GRIK4: variants seen among roughly 807,000 people sequenced by gnomAD.
GRIK4 encodes glutamate receptor ionotropic, kainate 4.
GRIK4 carries 40 observed loss-of-function variants against 104.9 expected under a neutral mutation model. That is an observed-to-expected ratio of 0.38 (90% CI 0.30 to 0.50). The LOEUF (loss-of-function observed/expected upper bound fraction) is 0.50. Ranked by LOEUF, GRIK4 falls within the 20% of genes least tolerant of loss-of-function variation. The probability of loss-of-function intolerance (pLI) is 0.93; values close to 1 mark genes in which losing one functional copy is unlikely to be tolerated. For synonymous variants in GRIK4, 485 were observed against 524.9 expected (o/e 0.92, Z 1.04); for missense variants, 1,047 against 1,308.1 (o/e 0.80, Z 3.08).
intron 3 of GRIK4, among the ~76,000 whole-genome samples, chr11:120,762,484 T>C (rs187220167): frequency 6.6e-6 from 1 of 152,326 alleles, no homozygotes; most frequent in East Asian, 1.9e-4. Context: ...CTGTGTTGAA[T>C]AGGAGTGGTG....
chr11:120,904,583 G>C (rs1942824610), intron 12 of GRIK4, among the ~76,000 whole-genome samples: 1 of 152,170 alleles, frequency 6.6e-6, no homozygotes, highest in Non-Finnish European at 1.5e-5. Flanking sequence ...GTAATGTGCA[G>C]CCACCACTTC....
At chr11:120,894,598 G>C (rs1942519886) in intron 11 of GRIK4, 1 of 152,306 alleles carries the variant, frequency 6.6e-6, no homozygotes, top group African/African-American at 2.4e-5. Flanking sequence ...GCAAGTGAGA[G>C]AGACAGAAAG....
At chr11:120,857,112 C>T (rs978527403) in intron 8 of GRIK4, among the ~76,000 whole-genome samples, 1 of 152,146 alleles carries the variant, frequency 6.6e-6, no homozygotes, top group African/African-American at 2.4e-5. Flanking sequence ...GTTTCCCAGA[C>T]CCTCTCTTCC....
intron 3 of GRIK4, among the ~76,000 whole-genome samples, chr11:120,758,989 A>T (rs891856764): frequency 6.6e-6 from 1 of 152,210 alleles, no homozygotes; most frequent in Admixed American, 6.5e-5. Context: ...AGGGATAAAC[A>T]CATAATAATA....
intron 3 of GRIK4, among the ~76,000 whole-genome samples, chr11:120,663,192 A>AATAAATG (rs1432538425): frequency 1.3e-5 from 2 of 151,972 alleles, no homozygotes; most frequent in African/African-American, 4.8e-5. Flanking sequence ...CCCTGAGGAG[A>AATAAATG]CCCCACCCCA....
chr11:120,635,515 G>C lies in GRIK4; in HGVS notation c.-158-18170G>C, dbSNP rs551755762. On this transcript the variant is annotated intron_variant, in intron 1 of 20. Transcript: ENST00000527524. ...TGCCTGGTGATAGTTACTATTTTGA[G>C]TTAAAGCGATTCTGCTTTATTAAAA... 2.4e-3 allele frequency among the ~76,000 whole-genome samples: 373 copies of C among 152,326 alleles called. 3 individuals carry two copies. Among genetic ancestry groups the C allele is most frequent in the Non-Finnish European group, 4.3e-3 (295 of 68,024 alleles).
chr11:120,521,342 G>A (rs1305035694), intron 1 of GRIK4, among the ~76,000 whole-genome samples: 1 of 152,108 alleles, frequency 6.6e-6, no homozygotes, highest in African/African-American at 2.4e-5. Context: ...AAAGTGCTGG[G>A]ATTACAGGTG....
chr11:120,626,189 G>C (rs757783550), intron 1 of GRIK4, among the ~76,000 whole-genome samples: 5 of 152,164 alleles, frequency 3.3e-5, no homozygotes, highest in Non-Finnish European at 7.3e-5. Flanking sequence ...TGAGTCCTTA[G>C]AGCTGCTATT....
rs528944662 is a variant in GRIK4, at chr11:120,659,539, C to T, written c.-50-730C>T. On this transcript the variant is annotated intron_variant, in intron 2 of 20. Coordinates refer to ENST00000527524, the MANE Select transcript of GRIK4 (RefSeq NM_014619.5). ...ACTTTTACATGTGAGGACACTGAGC[C>T]GAGACACAGAGGGGACCTTGTGAAG... Among the ~76,000 whole-genome samples the T allele has an allele frequency of 9.2e-5, 14 of 152,242 alleles. No individual in the cohort carries two copies. In the South Asian group the frequency reaches 2.3e-3, roughly 25 times the overall value.
At chr11:120,973,825 T>C (rs1306593236) in intron 19 of GRIK4, among the ~76,000 whole-genome samples, 5 of 152,236 alleles carry the variant, frequency 3.3e-5, no homozygotes, top group African/African-American at 4.8e-5. Flanking sequence ...ATAAATTAGC[T>C]GTCAAACTTA....
chr11:120,730,055 T>A (rs1951101610), intron 3 of GRIK4, among the ~76,000 whole-genome samples: 2 of 152,174 alleles, frequency 1.3e-5, no homozygotes, highest in African/African-American at 2.4e-5. Context: ...GGCACCTTTG[T>A]TGAAAATGAG....
At position 120,880,660 on chromosome 11, in the gene GRIK4, C is replaced by A. The variant is rs370280560; in HGVS notation, c.1164+5417C>A. On this transcript the variant is annotated intron_variant, in intron 11 of 20. Coordinates refer to ENST00000527524, the MANE Select transcript of GRIK4 (RefSeq NM_014619.5). The stretch of plus-strand genomic sequence containing the variant: ...ATTGTTCCCCTGAAAGAGATGACCG[C>A]CCAGCCTCTCCTTGAGCATGTCCTG... 1.8e-4 allele frequency among the ~76,000 whole-genome samples: 27 copies of A among 152,322 alleles called. No homozygotes were observed. The East Asian group carries it at 3.1e-3, about 17-fold the overall frequency.
rs1943663433 is a variant in GRIK4, at chr11:120,939,129, C to T, written c.1477-1218C>T. On this transcript the variant is annotated intron_variant, in intron 13 of 20. Transcript: ENST00000527524. This position sits in a 1 kb window ranked among gnomAD's most constrained non-coding sequence, Gnocchi z 5.6. ...ATTAGAACTGAGCACCAGTTCTGGGCTTTTCCCACTGCCCCATGTGTAGGA... is the reference window on the plus strand; with the variant it reads ...ATTAGAACTGAGCACCAGTTCTGGGTTTTTCCCACTGCCCCATGTGTAGGA... Among the ~76,000 whole-genome samples, 1 of 88,004 alleles carries T rather than the reference C, an allele frequency of 1.1e-5. No individual in the cohort carries two copies. Among genetic ancestry groups the T allele is most frequent in the African/African-American group, 3.0e-5 (1 of 33,162 alleles). 57.7% of individuals were successfully genotyped at this position (88,004 alleles called of 152,430 possible).
At chr11:120,809,592 T>C (rs12282146) in intron 4 of GRIK4, among the ~76,000 whole-genome samples, 16,822 of 152,258 alleles carry the variant, frequency 0.11, 2,975 homozygotes, top group African/African-American at 0.37. Flanking sequence ...GAGCAAACAT[T>C]TAATGAGCAA....
At position 120,962,775 on chromosome 11, in the gene GRIK4, C is replaced by T; in HGVS notation, c.2266+94C>T. ...GAATACAGCATTGAATCCAGTACCC[C>T]CTGTTGTTAGAACCAGTTTAACAGT... On this transcript the variant is annotated intron_variant, in intron 18 of 20. Transcript: ENST00000527524. The T allele has an allele frequency of 1.0e-5, 8 of 786,852 alleles. No homozygotes were observed. In the South Asian group the frequency reaches 1.0e-4, roughly 10 times the overall value. 48.7% of individuals were successfully genotyped at this position (786,852 alleles called of 1,614,324 possible).
chr11:120,516,387 G>A (rs1947724399), intron 1 of GRIK4, among the ~76,000 whole-genome samples: 1 of 152,160 alleles, frequency 6.6e-6, no homozygotes, highest in African/African-American at 2.4e-5. Context: ...TGAGGGGAGA[G>A]AGGATGATCT....
intron 8 of GRIK4, among the ~76,000 whole-genome samples, chr11:120,857,515 CACA>C (rs1954139492): frequency 1.3e-5 from 2 of 152,062 alleles, no homozygotes; most frequent in South Asian, 4.2e-4. Context: ...CACACACACA[CACA>C]CACACACACA....
intron 14 of GRIK4, among the ~76,000 whole-genome samples, chr11:120,951,223 A>C: frequency 6.6e-6 from 1 of 152,164 alleles, no homozygotes; most frequent in Non-Finnish European, 1.5e-5. Flanking sequence ...CTAAGAAGGA[A>C]GGGAAAAGCA....
intron 3 of GRIK4, among the ~76,000 whole-genome samples, chr11:120,764,385 G>T: frequency 6.6e-6 from 1 of 152,150 alleles, no homozygotes; most frequent in East Asian, 1.9e-4. Flanking sequence ...GATGGGTCTT[G>T]ACTCTTTATC....
Sources: gnomAD v4.1 joint callset for allele counts (sites outside exome capture counted in the v4.1 genomes callset) on GRCh38, gnomAD v4.1.1 for gene constraint, Gnocchi (gnomAD v3.1) non-coding constraint, MANE v1.5 for transcripts, NCBI Gene and HGNC (gene_info 2026-07-23, HGNC 2026-07-21) for gene names.